EPHA3: variants seen among roughly 807,000 people sequenced by gnomAD.
EPHA3 encodes the protein ephrin type-A receptor 3.
In EPHA3, 42 loss-of-function variants were observed where a neutral mutation model predicts 107.1. The observed-to-expected ratio is 0.39, with a 90% confidence interval of 0.31 to 0.51. The LOEUF (loss-of-function observed/expected upper bound fraction) is 0.51, where lower values mean the gene tolerates loss of function less well. Ranked by LOEUF, EPHA3 falls within the 20% of genes least tolerant of loss-of-function variation. The pLI is 0.78. For synonymous variants in EPHA3, 461 were observed against 424.8 expected (o/e 1.09, Z -1.05); for missense variants, 1,183 against 1,211.2 (o/e 0.98, Z 0.35).
chr3:89,400,028 A>G, intron 7 of EPHA3: 1 of 1,037,298 alleles, frequency 9.6e-7, no homozygotes, highest in Non-Finnish European at 1.2e-6. Context: ...AAAACTGGCA[A>G]ACATTTTTCC....
intron 13 of EPHA3, among the ~76,000 whole-genome samples, chr3:89,434,797 C>T (rs1392041772): frequency 1.3e-5 from 2 of 152,040 alleles, no homozygotes; most frequent in East Asian, 3.9e-4. Flanking sequence ...ATTTCTGTTC[C>T]AGTCACTGAA....
At chr3:89,415,720 A>G (rs554981457) in intron 10 of EPHA3, among the ~76,000 whole-genome samples, 1 of 151,418 alleles carries the variant, frequency 6.6e-6, no homozygotes, top group Admixed American at 6.6e-5. Flanking sequence ...ACGATTGAAT[A>G]CTAAAAATTT....
chr3:89,346,941 T>C (rs1707674469), intron 5 of EPHA3, among the ~76,000 whole-genome samples: 1 of 146,680 alleles, frequency 6.8e-6, no homozygotes, highest in South Asian at 2.1e-4. Flanking sequence ...TACGCGGCGT[T>C]ATTTCTGAGG....
chr3:89,175,563 A>T (rs1287860055), intron 2 of EPHA3, among the ~76,000 whole-genome samples: 2 of 152,176 alleles, frequency 1.3e-5, no homozygotes, highest in Non-Finnish European at 1.5e-5. Context: ...CTTCAAAAAA[A>T]TTTTGACCAA....
At position 89,472,571 on chromosome 3, in the gene EPHA3, C is replaced by G. The variant is rs372594677; in HGVS notation, c.2798C>G (p.Thr933Arg). The G allele has an allele frequency of 6.2e-7, 1 of 1,613,992 alleles. No homozygotes were observed. Among genetic ancestry groups the G allele is most frequent in the Middle Eastern group, 1.6e-4 (1 of 6,062 alleles). The change falls in exon 16 of 17, where the codon ACG becomes AGG. Residue 933 changes from threonine to arginine, a missense_variant. Physicochemically the swap from Thr to Arg is moderately conservative, Grantham distance 71. Transcript: ENST00000336596. ...VWTAHCKEIF[T>R]GVEYSSCDTI... ...ACAGCACACTGCAAGGAAATCTTCA[C>G]GGGTGTGGAGTACAGTTCTTGTGAC...
chr3:89,300,770 A>G (rs1706466190), intron 3 of EPHA3, among the ~76,000 whole-genome samples: 1 of 152,076 alleles, frequency 6.6e-6, no homozygotes, highest in Admixed American at 6.6e-5. Context: ...ATTTTAATAA[A>G]GGATATCCTG....
chr3:89,450,290 G>A lies in EPHA3; in HGVS notation c.2610G>A (p.Lys870=), dbSNP rs1709960408. ...CWQKDRNNRP[K]FEQIVSILDK... is the part of the protein sequence containing the mutation. Reference sequence around the variant, plus strand: ...AGAAAGACAGGAACAACAGACCCAAGTTTGAGCAGATTGTTAGTATTCTGG... The same window carrying A: ...AGAAAGACAGGAACAACAGACCCAAATTTGAGCAGATTGTTAGTATTCTGG... Residue 870 remains lysine (K), a synonymous_variant, in exon 15 of 17, where the codon AAG becomes AAA. Transcript: ENST00000336596. 6.2e-7 allele frequency: 1 copy of A among 1,614,006 alleles called. No homozygotes were observed. The highest frequency in any genetic ancestry group is 8.5e-7 in the Non-Finnish European group (1 of 1,179,952).
chr3:89,332,049 TA>T (rs150463549), intron 3 of EPHA3, among the ~76,000 whole-genome samples: 179 of 152,312 alleles, frequency 1.2e-3, no homozygotes, highest in African/African-American at 4.2e-3. Context: ...AACATCTTCA[TA>T]AATAAGACTT....
At chr3:89,202,464 C>T (rs1044897545) in intron 2 of EPHA3, among the ~76,000 whole-genome samples, 5 of 145,270 alleles carry the variant, frequency 3.4e-5, no homozygotes, top group African/African-American at 1.0e-4. Context: ...TGCAGAGAAC[C>T]GAGATCACCC....
chr3:89,362,818 A>T (rs1708120718), intron 5 of EPHA3, among the ~76,000 whole-genome samples: 1 of 150,990 alleles, frequency 6.6e-6, no homozygotes, highest in Non-Finnish European at 1.5e-5. Flanking sequence ...TATCTCCAAT[A>T]AATGAAGTTT....
At chr3:89,459,491 CTCCTTCCTTCCTTCCT>C (rs58738148) in intron 15 of EPHA3, among the ~76,000 whole-genome samples, 1 of 126,382 alleles carries the variant, frequency 7.9e-6, no homozygotes, top group East Asian at 2.2e-4. Flanking sequence ...CCTTCCTTCT[CTCCTTCCTTCCTTCCT>C]TCCTTCCTTC....
intron 3 of EPHA3, among the ~76,000 whole-genome samples, chr3:89,336,357 C>T (rs1335974300): frequency 6.6e-6 from 1 of 152,038 alleles, no homozygotes; most frequent in African/African-American, 2.4e-5. Flanking sequence ...AACATAGATG[C>T]TCCTTAAAGT....
chr3:89,285,817 C>G (rs1172684293), intron 3 of EPHA3, among the ~76,000 whole-genome samples: 2 of 152,064 alleles, frequency 1.3e-5, no homozygotes, highest in Non-Finnish European at 2.9e-5. Context: ...AAGACAATTC[C>G]TAAATCTGTT....
At chr3:89,388,015 A>G (rs1400369845) in intron 5 of EPHA3, among the ~76,000 whole-genome samples, 1 of 152,128 alleles carries the variant, frequency 6.6e-6, no homozygotes, top group Non-Finnish European at 1.5e-5. Flanking sequence ...ATTTATTTTC[A>G]GTGTATTATG....
chr3:89,356,503 C>T (rs1373683373), intron 5 of EPHA3, among the ~76,000 whole-genome samples: 1 of 151,198 alleles, frequency 6.6e-6, no homozygotes, highest in Non-Finnish European at 1.5e-5. Flanking sequence ...CTGTTGTTTC[C>T]TGACTTTTTA....
Position 89,481,295 on chromosome 3 carries a change from T to C in EPHA3, c.*1793T>C. 1 of 232,282 alleles carries C rather than the reference T, an allele frequency of 4.3e-6. No homozygotes were observed. The highest frequency in any genetic ancestry group is 8.5e-6 in the Non-Finnish European group (1 of 117,474). 14.4% of individuals were successfully genotyped at this position (232,282 alleles called of 1,614,324 possible). On this transcript the variant is annotated 3_prime_UTR_variant, in exon 17 of 17. Transcript: ENST00000336596. The stretch of plus-strand genomic sequence containing the variant: ...ATGATTGTTTCTCAAATCTTGGCAA[T>C]ATTCCTTAGTCAAATCAGGCTACTA...
At chr3:89,450,648 C>T (rs1394242227) in intron 15 of EPHA3, among the ~76,000 whole-genome samples, 5 of 152,042 alleles carry the variant, frequency 3.3e-5, no homozygotes, top group Non-Finnish European at 5.9e-5. Context: ...TGGAGGGGTG[C>T]GGTGGCTCGT....
chr3:89,337,963 G>A (rs1441836332), intron 3 of EPHA3, among the ~76,000 whole-genome samples: 1 of 152,158 alleles, frequency 6.6e-6, no homozygotes, highest in East Asian at 1.9e-4. Context: ...ATGATCACAT[G>A]TAAGCTGCTG....
rs1707506451 is a variant in EPHA3, at chr3:89,340,991, A to T, written c.890A>T (p.Gln297Leu). The T allele has an allele frequency of 2.5e-6, 4 of 1,614,056 alleles. No individual in the cohort carries two copies. The highest frequency in any genetic ancestry group is 3.4e-6 in the Non-Finnish European group (4 of 1,180,024). The change falls in exon 4 of 17, where the codon CAG (glutamine) becomes CTG (leucine). Residue 297 changes from glutamine to leucine, a missense_variant. Physicochemically the swap from Gln to Leu is moderately radical, Grantham distance 113 (BLOSUM62 -2). Transcript: ENST00000336596. ...CAKCPPHSST[Q>L]EDGSMNCRCE... Reference sequence around the variant, plus strand: ...AAGTGCCCGCCTCACAGTTCTACTCAGGAAGATGGTTCAATGAACTGCAGG... The same window carrying T: ...AAGTGCCCGCCTCACAGTTCTACTCTGGAAGATGGTTCAATGAACTGCAGG...
Sources: gnomAD v4.1 joint callset for allele counts (sites outside exome capture counted in the v4.1 genomes callset) on GRCh38, gnomAD v4.1.1 for gene constraint, MANE v1.5 for transcripts, NCBI Gene and HGNC (gene_info 2026-07-23, HGNC 2026-07-21) for gene names.